The following CFAP299 variants were observed in gnomAD, a reference collection of about 807,000 sequenced individuals.
The protein encoded by CFAP299 is cilia and flagella associated protein 299, also known as cilia- and flagella-associated protein 299.
CFAP299 carries 21 observed loss-of-function variants against 27.0 expected under a neutral mutation model. The observed-to-expected ratio is 0.78, with a 90% confidence interval of 0.55 to 1.12. CFAP299 has a LOEUF of 1.12. CFAP299 is among the 50% of genes most tolerant of loss of function. CFAP299 has a pLI of 0.00. For missense variants in CFAP299, 310 were observed against 276.6 expected, an observed-to-expected ratio of 1.12 and a Z score of -0.86; for synonymous variants, 104 against 98.1, an observed-to-expected ratio of 1.06 and a Z score of -0.36.
chr4:80,569,803 C>A (rs1238430681), intron 2 of CFAP299, among the ~76,000 whole-genome samples: 3 of 151,794 alleles, frequency 2.0e-5, no homozygotes, highest in African/African-American at 7.2e-5. Context: ...ATTGAAAAAA[C>A]TTTAAAAATC....
intron 3 of CFAP299, among the ~76,000 whole-genome samples, chr4:80,799,550 TA>T (rs1728152655): frequency 1.3e-5 from 1 of 75,014 alleles, no homozygotes; most frequent in Non-Finnish European, 2.3e-5. Flanking sequence ...TACATATATA[TA>T]ATATATTTAA....
chr4:80,766,898 T>C (rs1048725532), intron 3 of CFAP299, among the ~76,000 whole-genome samples: 6 of 152,202 alleles, frequency 3.9e-5, no homozygotes, highest in African/African-American at 1.4e-4. Context: ...AGTTGTGTAT[T>C]TATGTGTATG....
chr4:80,582,076 C>T (rs1373712986), intron 2 of CFAP299, among the ~76,000 whole-genome samples: 1 of 151,850 alleles, frequency 6.6e-6, no homozygotes, highest in African/African-American at 2.4e-5. Flanking sequence ...GATTGCCTTG[C>T]AATTTTACAT....
At chr4:80,761,406 A>G (rs1172257588) in intron 3 of CFAP299, among the ~76,000 whole-genome samples, 1 of 152,092 alleles carries the variant, frequency 6.6e-6, no homozygotes, top group Non-Finnish European at 1.5e-5. Context: ...TTTGCTTCAA[A>G]TTACAATGCC....
Position 80,417,763 on chromosome 4 carries a change from T to G in CFAP299, c.242+54879T>G, listed in dbSNP as rs554749466. Among the ~76,000 whole-genome samples, 4 of 152,282 alleles carry G rather than the reference T, an allele frequency of 2.6e-5. No homozygotes were observed. The South Asian group carries it at 8.3e-4, about 32-fold the overall frequency. Reference sequence around the variant, plus strand: ...CCCACTATTCTATGGCTTCCACAGCTGTCTCTGCTCTTCTGTATATATATA... The same window carrying G: ...CCCACTATTCTATGGCTTCCACAGCGGTCTCTGCTCTTCTGTATATATATA... On this transcript the variant is annotated intron_variant, in intron 2 of 5. Transcript: ENST00000358105.
intron 1 of CFAP299, among the ~76,000 whole-genome samples, chr4:80,360,907 G>A (rs1299799957): frequency 6.6e-6 from 1 of 152,046 alleles, no homozygotes; most frequent in African/African-American, 2.4e-5. Flanking sequence ...TTATTTTGGG[G>A]GTTGGGAAAA....
At chr4:80,519,551 C>T (rs1486130969) in intron 2 of CFAP299, among the ~76,000 whole-genome samples, 1 of 152,034 alleles carries the variant, frequency 6.6e-6, no homozygotes, top group Non-Finnish European at 1.5e-5. Context: ...TGAATTAAAG[C>T]TTTGAAGAAT....
intron 3 of CFAP299, among the ~76,000 whole-genome samples, chr4:80,781,282 G>A (rs1726862717): frequency 6.6e-6 from 1 of 151,934 alleles, no homozygotes; most frequent in South Asian, 2.1e-4. Flanking sequence ...TAAAGTTATA[G>A]TTAAAGGTGT....
intron 2 of CFAP299, among the ~76,000 whole-genome samples, chr4:80,366,709 A>C (rs1472809740): frequency 6.6e-6 from 1 of 152,220 alleles, no homozygotes; most frequent in African/African-American, 2.4e-5. Flanking sequence ...TCTACCAAAC[A>C]CATATTCAAG....
chr4:80,689,313 A>G (rs1312398216), intron 3 of CFAP299, among the ~76,000 whole-genome samples: 4 of 152,046 alleles, frequency 2.6e-5, no homozygotes, highest in Admixed American at 6.5e-5. Context: ...TTACCCTCAA[A>G]GGGAAGCCCA....
At chr4:80,865,934 G>C (rs917191385) in intron 3 of CFAP299, among the ~76,000 whole-genome samples, 1 of 108,860 alleles carries the variant, frequency 9.2e-6, no homozygotes, top group African/African-American at 3.1e-5. Context: ...TGGGGGGAGG[G>C]GGGAGGTATA....
chr4:80,655,979 G>C (rs1207015048), intron 3 of CFAP299, among the ~76,000 whole-genome samples: 1 of 152,156 alleles, frequency 6.6e-6, no homozygotes, highest in Non-Finnish European at 1.5e-5. Context: ...GTGGCTGGAA[G>C]TTGCTTAAAT....
At chr4:80,409,936 T>A (rs1048436423) in intron 2 of CFAP299, among the ~76,000 whole-genome samples, 1 of 152,128 alleles carries the variant, frequency 6.6e-6, no homozygotes, top group Non-Finnish European at 1.5e-5. Flanking sequence ...TCAATTTTGG[T>A]GTTTGAGTTT....
At chr4:80,907,973 G>A (rs975676391) in intron 4 of CFAP299, among the ~76,000 whole-genome samples, 12 of 152,282 alleles carry the variant, frequency 7.9e-5, no homozygotes, top group African/African-American at 2.4e-4. Flanking sequence ...AGTTCTGTTA[G>A]TTTCACACTG....
intron 3 of CFAP299, among the ~76,000 whole-genome samples, chr4:80,611,969 C>A (rs1214539457): frequency 6.6e-6 from 1 of 152,042 alleles, no homozygotes; most frequent in Non-Finnish European, 1.5e-5. Flanking sequence ...AATGCTGAAC[C>A]AGATTAATGA....
intron 3 of CFAP299, among the ~76,000 whole-genome samples, chr4:80,765,608 TA>T (rs1237796263): frequency 6.6e-6 from 1 of 151,962 alleles, no homozygotes. Context: ...GCTATAAAAA[TA>T]AATTTTTTTA....
At chr4:80,588,590 T>C (rs1736566029) in intron 3 of CFAP299, among the ~76,000 whole-genome samples, 2 of 150,778 alleles carry the variant, frequency 1.3e-5, no homozygotes, top group African/African-American at 5.0e-5. Context: ...AAAGCCCAAA[T>C]ATGATTTGGT....
In CFAP299 at chr4:80,879,353, G is replaced by A. The variant is rs200050040; in HGVS notation, c.476+9218G>A. On this transcript the variant is annotated intron_variant, in intron 4 of 5. Transcript: ENST00000358105. ...AAATGAAGAGAGAAATAATTAGCTT[G>A]CTTATGGACAACAGGGTAGATGTAA... 3.3e-5 allele frequency among the ~76,000 whole-genome samples: 5 copies of A among 152,216 alleles called. No individual in the cohort carries two copies. In the East Asian group the frequency reaches 7.7e-4, roughly 24 times the overall value.
rs1021782090 is a variant in CFAP299 at position 80,677,572 on chromosome 4, C to T, written c.333+94389C>T. Among the ~76,000 whole-genome samples the T allele has an allele frequency of 2.0e-5, 3 of 151,910 alleles. No individual in the cohort carries two copies. The South Asian group carries it at 6.2e-4, about 32-fold the overall frequency. On this transcript the variant is annotated intron_variant, in intron 3 of 5. Transcript: ENST00000358105. ...AATATATCAGTCCCCAGTTTGTTCTCCTCCTCTCAAATCATATCATTATGA... is the reference window on the plus strand; with the variant it reads ...AATATATCAGTCCCCAGTTTGTTCTTCTCCTCTCAAATCATATCATTATGA...
Sources: gnomAD v4.1 joint callset for allele counts (sites outside exome capture counted in the v4.1 genomes callset) on GRCh38, gnomAD v4.1.1 for gene constraint, MANE v1.5 for transcripts, NCBI Gene and HGNC (gene_info 2026-07-23, HGNC 2026-07-21) for gene names.